ROBO2: variants seen among roughly 807,000 people sequenced by gnomAD.
ROBO2 encodes the protein roundabout homolog 2.
A neutral mutation model predicts 160.8 loss-of-function variants in ROBO2; 53 were observed. The ratio of observed to expected loss-of-function variants is 0.33; its 90% CI spans 0.26 to 0.41. The LOEUF is 0.41. ROBO2 is among the 10% of genes least tolerant of loss of function. ROBO2 has a pLI of 1.00. For synonymous variants in ROBO2, 664 were observed against 611.7 expected (o/e 1.09, Z -1.26); for missense variants, 1,577 against 1,722.4 (o/e 0.92, Z 1.49).
chr3:77,638,548 A>G (rs1322717261), intron 24 of ROBO2, among the ~76,000 whole-genome samples: 1 of 152,130 alleles, frequency 6.6e-6, no homozygotes, highest in Non-Finnish European at 1.5e-5. Context: ...TGTGTCCCAT[A>G]AGAGAGATTA....
chr3:77,200,910 A>G (rs979290235), intron 2 of ROBO2, among the ~76,000 whole-genome samples: 1 of 152,136 alleles, frequency 6.6e-6, no homozygotes, highest in Admixed American at 6.5e-5. Context: ...CTCAAATTCC[A>G]GGCAATGCAT....
At chr3:76,688,858 C>T (rs560641930) in intron 2 of ROBO2, among the ~76,000 whole-genome samples, 23 of 151,960 alleles carry the variant, frequency 1.5e-4, no homozygotes, top group African/African-American at 5.3e-4. Flanking sequence ...CTTTCTTCTC[C>T]TTTTTTAAAA....
At position 76,650,481 on chromosome 3, in the gene ROBO2, CT is replaced by C. The variant is rs67171130; in HGVS notation, c.110-447522del. 7.2e-4 allele frequency among the ~76,000 whole-genome samples: 105 copies of C among 146,780 alleles called. 1 individual carries two copies. In the South Asian group the frequency reaches 8.4e-3, roughly 12 times the overall value. On this transcript the variant is annotated intron_variant, in intron 2 of 26. Transcript: ENST00000487694. ...ACCAGGGAGTTTGTTCCTTCTTTCT[CT>C]TTTTTTTTTTATTTTTTTCTTTATT...
chr3:77,181,565 G>A (rs553756541), intron 2 of ROBO2, among the ~76,000 whole-genome samples: 82 of 152,180 alleles, frequency 5.4e-4, no homozygotes, highest in Middle Eastern at 3.4e-3. Flanking sequence ...ACACGCCTAG[G>A]ATCCCTTAGA....
chr3:76,659,649 G>A (rs968383360), intron 2 of ROBO2, among the ~76,000 whole-genome samples: 3 of 152,126 alleles, frequency 2.0e-5, no homozygotes, highest in Non-Finnish European at 1.5e-5. Flanking sequence ...CGACTTAGAT[G>A]TTAAAATGCA....
chr3:76,923,980 T>C (rs889889520), intron 2 of ROBO2, among the ~76,000 whole-genome samples: 1 of 152,236 alleles, frequency 6.6e-6, no homozygotes, highest in African/African-American at 2.4e-5. Flanking sequence ...TCAAACATCA[T>C]AATTGTATTT....
At chr3:77,238,748 T>C (rs539462834) in intron 2 of ROBO2, among the ~76,000 whole-genome samples, 1 of 152,312 alleles carries the variant, frequency 6.6e-6, no homozygotes, top group East Asian at 1.9e-4. Context: ...TGGGCCTTTT[T>C]AGGCAAACAG....
intron 2 of ROBO2, among the ~76,000 whole-genome samples, chr3:77,396,713 G>A (rs2075316460): frequency 6.6e-6 from 1 of 152,084 alleles, no homozygotes; most frequent in Admixed American, 6.6e-5. Context: ...CTGCCAATGA[G>A]GATGGAGAGT....
chr3:76,236,478 C>A (rs1484317117), intron 2 of ROBO2, among the ~76,000 whole-genome samples: 1 of 152,054 alleles, frequency 6.6e-6, no homozygotes, highest in African/African-American at 2.4e-5. Flanking sequence ...AGGTGAATGT[C>A]TTCATCAAAG....
chr3:76,618,683 G>C (rs1440761370), intron 2 of ROBO2, among the ~76,000 whole-genome samples: 1 of 151,522 alleles, frequency 6.6e-6, no homozygotes, highest in Non-Finnish European at 1.5e-5. Context: ...TTTCTCTTGT[G>C]TATTAGTTCC....
intron 1 of ROBO2, among the ~76,000 whole-genome samples, chr3:77,083,035 T>G (rs912533627): frequency 1.3e-5 from 2 of 152,096 alleles, no homozygotes; most frequent in Admixed American, 1.3e-4. Context: ...TAGATACATA[T>G]GTCAGGCACA....
chr3:76,269,279 C>T (rs924242468), intron 2 of ROBO2, among the ~76,000 whole-genome samples: 1 of 151,980 alleles, frequency 6.6e-6, no homozygotes, highest in African/African-American at 2.4e-5. Flanking sequence ...TCATGTACCT[C>T]ACAAATATGT....
intron 4 of ROBO2, among the ~76,000 whole-genome samples, chr3:77,485,428 GTTTTCT>G (rs965747209): frequency 7.2e-5 from 11 of 151,934 alleles, no homozygotes; most frequent in Non-Finnish European, 1.5e-4. Flanking sequence ...TATGTGATCA[GTTTTCT>G]TTTTCTTTTT....
chr3:76,797,230 T>A (rs1230215563), intron 2 of ROBO2, among the ~76,000 whole-genome samples: 1 of 152,088 alleles, frequency 6.6e-6, no homozygotes, highest in Non-Finnish European at 1.5e-5. Flanking sequence ...CAGAAAAACA[T>A]GATATCATAT....
At chr3:76,926,295 G>A (rs2076985970) in intron 2 of ROBO2, among the ~76,000 whole-genome samples, 2 of 152,150 alleles carry the variant, frequency 1.3e-5, no homozygotes, top group African/African-American at 2.4e-5. Flanking sequence ...ACATAAAAGC[G>A]TGACGACATT....
chr3:76,634,584 A>AT (rs1413525735), intron 2 of ROBO2, among the ~76,000 whole-genome samples: 1 of 151,086 alleles, frequency 6.6e-6, no homozygotes, highest in Non-Finnish European at 1.5e-5. Context: ...AAAAAAAAAA[A>AT]AAGGACATCA....
chr3:76,136,367 TTAA>T (rs1247505196), intron 2 of ROBO2, among the ~76,000 whole-genome samples: 46 of 152,094 alleles, frequency 3.0e-4, no homozygotes, highest in Non-Finnish European at 5.9e-5. Flanking sequence ...AAAAAATGAC[TTAA>T]AATGAACAGT....
intron 2 of ROBO2, among the ~76,000 whole-genome samples, chr3:76,527,218 G>A (rs1029328096): frequency 1.2e-4 from 19 of 152,124 alleles, no homozygotes; most frequent in Admixed American, 9.8e-4. Flanking sequence ...AAGCCAGAGT[G>A]ATAAAAATAC....
At chr3:76,703,341 A>T (rs575412929) in intron 2 of ROBO2, among the ~76,000 whole-genome samples, 5 of 152,068 alleles carry the variant, frequency 3.3e-5, no homozygotes, top group African/African-American at 9.7e-5. Flanking sequence ...ACCAATATTT[A>T]CTTAGTACCC....
Sources: gnomAD v4.1 joint callset for allele counts (sites outside exome capture counted in the v4.1 genomes callset) on GRCh38, gnomAD v4.1.1 for gene constraint, MANE v1.5 for transcripts, NCBI Gene and HGNC (gene_info 2026-07-23, HGNC 2026-07-21) for gene names.